CSMD1: variants seen among roughly 807,000 people sequenced by gnomAD.
The protein encoded by CSMD1 is CUB and Sushi multiple domains 1.
CSMD1 carries 213 observed loss-of-function variants against 417.5 expected under a neutral mutation model. The observed-to-expected ratio is 0.51, with a 90% CI of 0.46 to 0.57. The LOEUF is 0.57. CSMD1 is among the 20% of genes least tolerant of loss of function. The pLI is 0.00. For synonymous variants in CSMD1, 2,862 were observed against 1,736.8 expected (o/e 1.65, Z -16.11); for missense variants, 6,923 against 4,529.7 (o/e 1.53, Z -15.17).
intron 5 of CSMD1, among the ~76,000 whole-genome samples, chr8:3,946,063 A>C (rs1001723740): frequency 2.0e-5 from 3 of 152,184 alleles, no homozygotes; most frequent in Non-Finnish European, 4.4e-5. Context: ...TTTCAATACT[A>C]ACGTAAAGTG....
intron 3 of CSMD1, among the ~76,000 whole-genome samples, chr8:4,316,771 T>C (rs1410310706): frequency 6.6e-6 from 1 of 152,114 alleles, no homozygotes; most frequent in African/African-American, 2.4e-5. Context: ...CAAAACCCTT[T>C]TCAAATCCAG....
intron 46 of CSMD1, among the ~76,000 whole-genome samples, chr8:3,104,999 C>G (rs1022051954): frequency 6.6e-6 from 1 of 152,200 alleles, no homozygotes; most frequent in African/African-American, 2.4e-5. Flanking sequence ...CGCCACCGCG[C>G]CCGGCCAGTT....
intron 2 of CSMD1, among the ~76,000 whole-genome samples, chr8:4,543,459 T>A (rs1001247216): frequency 6.6e-6 from 1 of 152,138 alleles, no homozygotes; most frequent in Non-Finnish European, 1.5e-5. Context: ...TCCATGCCCT[T>A]GCATGAATTA....
intron 50 of CSMD1, among the ~76,000 whole-genome samples, chr8:3,036,609 G>C (rs1274845698): frequency 6.6e-6 from 1 of 152,122 alleles, no homozygotes; most frequent in African/African-American, 2.4e-5. Context: ...GGACACGCGA[G>C]AGAAAAACTG....
chr8:3,794,569 G>C (rs1799935934), intron 5 of CSMD1, among the ~76,000 whole-genome samples: 1 of 151,862 alleles, frequency 6.6e-6, no homozygotes, highest in Admixed American at 6.6e-5. Context: ...CAAAGTGCTA[G>C]TAACCCATTG....
intron 3 of CSMD1, among the ~76,000 whole-genome samples, chr8:4,207,397 T>G (rs1346568650): frequency 2.0e-5 from 3 of 152,164 alleles, no homozygotes; most frequent in Non-Finnish European, 2.9e-5. Context: ...TGGAAGATTT[T>G]AATAAGCAAA....
At chr8:4,563,093 G>A (rs1798422372) in intron 2 of CSMD1, among the ~76,000 whole-genome samples, 1 of 151,966 alleles carries the variant, frequency 6.6e-6, no homozygotes, top group Admixed American at 6.6e-5. Context: ...CTGGGTTTCT[G>A]GAATCTCCTA....
intron 1 of CSMD1, among the ~76,000 whole-genome samples, chr8:4,719,011 G>A (rs1005761376): frequency 6.6e-6 from 1 of 151,872 alleles, no homozygotes; most frequent in African/African-American, 2.4e-5. Flanking sequence ...TGAGAAAAAA[G>A]GAAAACAACT....
intron 3 of CSMD1, among the ~76,000 whole-genome samples, chr8:4,109,752 T>G (rs1180225496): frequency 2.0e-5 from 3 of 152,186 alleles, no homozygotes; most frequent in Non-Finnish European, 4.4e-5. Flanking sequence ...TAAAGTGTCA[T>G]GTAACATAAG....
At chr8:4,350,170 C>G (rs1269187465) in intron 3 of CSMD1, among the ~76,000 whole-genome samples, 2 of 152,106 alleles carry the variant, frequency 1.3e-5, no homozygotes, top group Non-Finnish European at 1.5e-5. Context: ...CTTATTGTTA[C>G]AAGCCTTCTC....
intron 1 of CSMD1, among the ~76,000 whole-genome samples, chr8:4,850,473 T>A (rs952423779): frequency 1.3e-5 from 2 of 148,238 alleles, no homozygotes; most frequent in African/African-American, 5.0e-5. Context: ...TTCCTCTCCC[T>A]TCAGTCACAT....
At chr8:3,432,290 G>A (rs1442978408) in intron 12 of CSMD1, among the ~76,000 whole-genome samples, 3 of 152,018 alleles carry the variant, frequency 2.0e-5, no homozygotes, top group East Asian at 3.9e-4. Context: ...GAGAAACTAT[G>A]CAAATGAAAG....
intron 18 of CSMD1, among the ~76,000 whole-genome samples, chr8:3,382,001 T>C (rs1810660372): frequency 6.6e-6 from 1 of 152,286 alleles, no homozygotes; most frequent in Middle Eastern, 3.4e-3. Context: ...CTCACATCTA[T>C]AATCCCAGCA....
chr8:3,407,451 AGATG>A (rs1049330641), intron 14 of CSMD1, among the ~76,000 whole-genome samples: 1 of 151,786 alleles, frequency 6.6e-6, no homozygotes, highest in Non-Finnish European at 1.5e-5. Context: ...ATGGATGGAA[AGATG>A]GATGGAAGAA....
intron 1 of CSMD1, among the ~76,000 whole-genome samples, chr8:4,711,353 C>A (rs1255846162): frequency 2.0e-5 from 3 of 152,036 alleles, no homozygotes; most frequent in Non-Finnish European, 4.4e-5. Context: ...TTATTGATAG[C>A]CAAAGTTTCC....
chr8:4,330,203 C>G (rs1167619481), intron 3 of CSMD1, among the ~76,000 whole-genome samples: 1 of 152,116 alleles, frequency 6.6e-6, no homozygotes, highest in African/African-American at 2.4e-5. Context: ...CACAATTTCT[C>G]CATAACACCC....
Position 3,219,436 on chromosome 8 carries a change from G to A in CSMD1, c.4491C>T (p.Asn1497=), listed in dbSNP as rs1205094958. Reference sequence around the variant, plus strand: ...GTAGGAAGTCATAGCTGGGCTCCATGTTGAAACTAAAGAAAAGAATAGTAA... The same window carrying A: ...GTAGGAAGTCATAGCTGGGCTCCATATTGAAACTAAAGAAAAGAATAGTAA... The part of the protein sequence containing the change: ...FVIALIFKSF[N]MEPSYDFLHI... Residue 1497 remains asparagine, a synonymous_variant, in exon 29 of 70, where the codon AAC becomes AAT. Transcript: ENST00000635120. 2 of 1,485,218 alleles carry A rather than the reference G, an allele frequency of 1.3e-6. No individual in the cohort carries two copies. Among genetic ancestry groups the A allele is most frequent in the Non-Finnish European group, 1.8e-6 (2 of 1,117,294 alleles). 92.0% of individuals were successfully genotyped at this position (1,485,218 alleles called of 1,614,324 possible). A position where few individuals can be genotyped will look rare whatever the true frequency, so the allele number is the denominator to read the frequency against.
chr8:3,458,510 C>G (rs1220803754), intron 12 of CSMD1, among the ~76,000 whole-genome samples: 2 of 152,158 alleles, frequency 1.3e-5, no homozygotes, highest in East Asian at 3.9e-4. Flanking sequence ...AGGGTGATGA[C>G]TGGAAACTCA....
chr8:4,379,822 C>G (rs1802988547), intron 3 of CSMD1, among the ~76,000 whole-genome samples: 1 of 152,184 alleles, frequency 6.6e-6, no homozygotes, highest in African/African-American at 2.4e-5. Flanking sequence ...GAGGTAAGTA[C>G]TGTTTGCTGA....
Sources: gnomAD v4.1 joint callset for allele counts (sites outside exome capture counted in the v4.1 genomes callset) on GRCh38, gnomAD v4.1.1 for gene constraint, MANE v1.5 for transcripts, NCBI Gene and HGNC (gene_info 2026-07-23, HGNC 2026-07-21) for gene names.